CANX: variants seen among roughly 807,000 people sequenced by gnomAD.
CANX encodes the protein epididymis secretory sperm binding protein.
In CANX, 14 loss-of-function variants were observed where a neutral mutation model predicts 75.7. The ratio of observed to expected loss-of-function variants is 0.19; its 90% CI spans 0.12 to 0.29. The LOEUF is 0.29. Among genes scored for constraint, CANX ranks in the 10% least tolerant of loss-of-function variants. CANX has a pLI of 1.00. For synonymous variants in CANX, 227 were observed against 236.9 expected (o/e 0.96, Z 0.38); for missense variants, 567 against 713.2 (o/e 0.79, Z 2.34).
intron 1 of CANX, among the ~76,000 whole-genome samples, chr5:179,690,320 A>C (rs1776277174): frequency 6.6e-6 from 1 of 151,842 alleles, no homozygotes; most frequent in Non-Finnish European, 1.5e-5. Context: ...TCACGCCTGT[A>C]ATCCCAGCAC....
intron 1 of CANX, among the ~76,000 whole-genome samples, chr5:179,702,564 A>C (rs986572188): frequency 1.3e-5 from 2 of 152,154 alleles, no homozygotes; most frequent in Non-Finnish European, 2.9e-5. Context: ...TTGTATGCCT[A>C]TGCCACATAT....
chr5:179,694,773 A>C, upstream of CANX: 1 of 550,186 alleles, frequency 1.8e-6, no homozygotes. Flanking sequence ...GAATAAACAA[A>C]GTGTTTATCT....
intron 7 of CANX, among the ~76,000 whole-genome samples, chr5:179,712,814 C>T (rs2113192673): frequency 6.6e-6 from 1 of 151,894 alleles, no homozygotes; most frequent in African/African-American, 2.4e-5. Context: ...ACGTCTGCCT[C>T]CCGGGTTCAA....
intron 7 of CANX, 142 bp from the exon 8 acceptor site, chr5:179,715,963 C>CCT: frequency 1.4e-6 from 1 of 716,658 alleles, no homozygotes; most frequent in Non-Finnish European, 2.5e-6. Context: ...TCCCCAAGAC[C>CCT]CCAGGAGCCA....
In CANX at chr5:179,730,557, T is replaced by A. The variant is rs576221287; in HGVS notation, c.*1913T>A. The A allele has an allele frequency of 6.6e-6, 1 of 152,360 alleles. No homozygotes were observed. Among genetic ancestry groups the A allele is most frequent in the South Asian group, 2.1e-4 (1 of 4,830 alleles). 9.4% of individuals were successfully genotyped at this position (152,360 alleles called of 1,614,324 possible). Reference sequence around the variant, plus strand: ...CTCCGTTGACAGTATATGTCATGCCTCACTTTCTTCTAGCTGAGCTTTAAA... The same window carrying A: ...CTCCGTTGACAGTATATGTCATGCCACACTTTCTTCTAGCTGAGCTTTAAA... On this transcript the variant is annotated 3_prime_UTR_variant, in exon 15 of 15. Transcript: ENST00000247461.
intron 5 of CANX, 111 bp from the exon 6 acceptor site, chr5:179,708,867 C>T: frequency 1.6e-6 from 1 of 608,426 alleles, no homozygotes; most frequent in Non-Finnish European, 3.1e-6. Context: ...TAAGGGTAAA[C>T]ATTTGACCTA....
intron 1 of CANX, chr5:179,679,070 GC>G (rs35217587): frequency 1.3e-6 from 2 of 1,535,448 alleles, no homozygotes; most frequent in Non-Finnish European, 1.7e-6. Flanking sequence ...GATGTGATCG[GC>G]CCAAAACTGC....
rs375008394 is a variant in CANX, at chr5:179,723,787, GTT to G, written c.1518+18_1518+19del. ...TTCTGCTGTTCTGGAAAGGTAGGAA[GTT>G]TTTTTTTTTAGAATCAATTTTAGAG... On this transcript the variant is annotated intron_variant, in intron 12 of 14. Transcript: ENST00000247461. 6.8e-6 allele frequency: 9 copies of G among 1,327,306 alleles called. No homozygotes were observed. The highest frequency in any genetic ancestry group is 8.2e-6 in the Non-Finnish European group (8 of 976,786). 82.2% of individuals were successfully genotyped at this position (1,327,306 alleles called of 1,614,324 possible).
Position 179,730,435 on chromosome 5 carries a change from A to G in CANX, c.*1791A>G, listed in dbSNP as rs1246912020. 1 of 152,240 alleles carries G rather than the reference A, an allele frequency of 6.6e-6. No homozygotes were observed. The highest frequency in any genetic ancestry group is 1.5e-5 in the Non-Finnish European group (1 of 68,038). The allele number at this position is 152,240 out of a possible 1,614,324, so 9.4% of individuals were successfully genotyped here. ...CCAAATGTATTGATTACAAATAAAC[A>G]GTTGTTACTTAGCAAGACCTGAAAA... On this transcript the variant is annotated 3_prime_UTR_variant, in exon 15 of 15. Transcript: ENST00000247461.
At position 179,722,918 on chromosome 5, in the gene CANX, A is replaced by AT; in HGVS notation, c.1305dup (p.Asp436Ter). The AT allele has an allele frequency of 1.9e-6, 3 of 1,612,242 alleles. No individual in the cohort carries two copies. Among genetic ancestry groups the AT allele is most frequent in the African/African-American group, 1.3e-5 (1 of 74,886 alleles). ...GGAGCTGTGGTCCATGACCTCTGAC[A>AT]TTTTTTTTGACAACTTTATCATTTG... On this transcript the variant is annotated frameshift_variant, in exon 11 of 15. Coordinates refer to ENST00000247461, the MANE Select transcript of CANX (RefSeq NM_001746.4). LOFTEE classifies it high-confidence loss of function.
intron 14 of CANX, among the ~76,000 whole-genome samples, chr5:179,727,298 AAC>A (rs1778726435): frequency 6.6e-6 from 1 of 152,228 alleles, no homozygotes; most frequent in South Asian, 2.1e-4. Flanking sequence ...GGAAGTAAAC[AAC>A]ACAGCGTATT....
At chr5:179,698,800 A>C, upstream of CANX, 1 of 680,510 alleles carries the variant, frequency 1.5e-6, no homozygotes, top group Admixed American at 3.2e-5. Flanking sequence ...CTCCACGAAG[A>C]ATAGCCGTAG....
At chr5:179,692,374 C>T (rs745460854) in intron 1 of CANX, among the ~76,000 whole-genome samples, 15 of 152,082 alleles carry the variant, frequency 9.9e-5, no homozygotes, top group Non-Finnish European at 2.1e-4. Flanking sequence ...TATGCCTGGC[C>T]ATCTGTGTTC....
intron 1 of CANX, chr5:179,700,540 G>A (rs1776666248): frequency 6.6e-6 from 1 of 152,476 alleles, no homozygotes; most frequent in African/African-American, 2.4e-5. Context: ...CCAGGTAACT[G>A]GATCATGAGA....
At chr5:179,705,607 AGAGT>A (rs1777075633) in intron 1 of CANX, 68 bp from the exon 2 acceptor site, 1 of 1,049,770 alleles carries the variant, frequency 9.5e-7, no homozygotes, top group Non-Finnish European at 1.4e-6. Flanking sequence ...TTTAAATGAG[AGAGT>A]GGTTAGTGAT....
chr5:179,698,540 C>T (rs2113072380), upstream of CANX: 2 of 1,289,442 alleles, frequency 1.6e-6, no homozygotes, highest in Non-Finnish European at 2.0e-6. Flanking sequence ...TTGCCGGCTG[C>T]CGTTTGCCCC....
intron 1 of CANX, among the ~76,000 whole-genome samples, chr5:179,701,361 G>A (rs1225236337): frequency 6.6e-6 from 1 of 152,032 alleles, no homozygotes; most frequent in Non-Finnish European, 1.5e-5. Context: ...TTGGGAGGCT[G>A]AGGTGGGCGG....
chr5:179,694,030 G>A (rs961626535), upstream of CANX, among the ~76,000 whole-genome samples: 9 of 151,216 alleles, frequency 6.0e-5, no homozygotes, highest in African/African-American at 2.4e-5. Context: ...TGTAATCCCA[G>A]CTACTCAGGA....
chr5:179,701,220 G>C (rs973467779), intron 1 of CANX, among the ~76,000 whole-genome samples: 4 of 152,114 alleles, frequency 2.6e-5, no homozygotes, highest in African/African-American at 9.7e-5. Flanking sequence ...ATAGGAATGA[G>C]AAGTCTCCTG....
Sources: gnomAD v4.1 joint callset for allele counts (sites outside exome capture counted in the v4.1 genomes callset) on GRCh38, gnomAD v4.1.1 for gene constraint, MANE v1.5 for transcripts, NCBI Gene and HGNC (gene_info 2026-07-23, HGNC 2026-07-21) for gene names.